Variants in CADPS2 observed in about 807,000 individuals in gnomAD.
CADPS2 encodes calcium-dependent secretion activator 2.
A neutral mutation model predicts 172.5 loss-of-function variants in CADPS2; 93 were observed. The observed-to-expected ratio is 0.54, with a 90% CI of 0.46 to 0.64. The LOEUF is 0.64. Ranked by LOEUF, CADPS2 falls within the 30% of genes least tolerant of loss-of-function variation. The pLI is 0.00. For missense variants in CADPS2, 1,420 were observed against 1,565.9 expected, an observed-to-expected ratio of 0.91 and a Z score of 1.57; for synonymous variants, 546 against 555.2, an observed-to-expected ratio of 0.98 and a Z score of 0.23.
At chr7:122,565,087 G>A (rs889238975) in intron 7 of CADPS2, among the ~76,000 whole-genome samples, 1 of 152,056 alleles carries the variant, frequency 6.6e-6, no homozygotes, top group Non-Finnish European at 1.5e-5. Context: ...GGGGCAGTGG[G>A]AAAGGAGGGT....
chr7:122,427,553 C>A (rs2049324622), intron 17 of CADPS2: 1 of 152,024 alleles, frequency 6.6e-6, no homozygotes, highest in South Asian at 2.1e-4. Flanking sequence ...TTAAATAAGC[C>A]CATCTTTCAA....
chr7:122,323,895 A>T (rs201355361), intron 29 of CADPS2, among the ~76,000 whole-genome samples: 10 of 27,406 alleles, frequency 3.6e-4, no homozygotes, highest in South Asian at 1.4e-3. Flanking sequence ...ATATATATAT[A>T]TATATATATA....
At chr7:122,763,943 T>C (rs1316584052) in intron 1 of CADPS2, among the ~76,000 whole-genome samples, 3 of 152,172 alleles carry the variant, frequency 2.0e-5, no homozygotes, top group African/African-American at 7.2e-5. Context: ...ACATATTTGT[T>C]TCATTGACAT....
intron 6 of CADPS2, among the ~76,000 whole-genome samples, chr7:122,600,235 G>A (rs1488637410): frequency 1.3e-5 from 2 of 152,076 alleles, no homozygotes; most frequent in Non-Finnish European, 2.9e-5. Flanking sequence ...CAAACAGAAA[G>A]AGCAGCTCCA....
At chr7:122,509,818 C>T (rs1215048870) in intron 9 of CADPS2, among the ~76,000 whole-genome samples, 1 of 152,014 alleles carries the variant, frequency 6.6e-6, no homozygotes, top group East Asian at 1.9e-4. Flanking sequence ...CCTTCACGGG[C>T]TTATTCTGAT....
intron 8 of CADPS2, among the ~76,000 whole-genome samples, chr7:122,550,015 G>A (rs2064059397): frequency 6.6e-6 from 1 of 152,122 alleles, no homozygotes; most frequent in South Asian, 2.1e-4. Flanking sequence ...TTACTAGAGT[G>A]CAGTCATTTC....
chr7:122,454,634 C>T (rs185610848), intron 14 of CADPS2, among the ~76,000 whole-genome samples: 5 of 152,012 alleles, frequency 3.3e-5, no homozygotes, highest in Admixed American at 2.6e-4. Flanking sequence ...TAAAGAAGAC[C>T]GTAAGAAAGG....
chr7:122,738,172 C>A (rs936339458), intron 1 of CADPS2, among the ~76,000 whole-genome samples: 5 of 152,064 alleles, frequency 3.3e-5, no homozygotes, highest in African/African-American at 1.2e-4. Flanking sequence ...TCAATCATGT[C>A]CTCTAGTCAT....
intron 2 of CADPS2, among the ~76,000 whole-genome samples, chr7:122,689,522 G>A (rs2084055604): frequency 6.6e-6 from 1 of 152,158 alleles, no homozygotes; most frequent in South Asian, 2.1e-4. Context: ...AGAACCACAA[G>A]GGGGCCCACC....
intron 17 of CADPS2, among the ~76,000 whole-genome samples, chr7:122,438,137 T>G (rs1381078888): frequency 6.6e-6 from 1 of 152,102 alleles, no homozygotes; most frequent in African/African-American, 2.4e-5. Flanking sequence ...TCCTGGGTCT[T>G]TCATTCAAGC....
At position 122,886,408 on chromosome 7, in the gene CADPS2, G is replaced by C; in HGVS notation, c.-71C>G. Reference sequence around the variant, plus strand: ...TCACCCCCGGCGGCTGCGCCCGCGGGTCTGAGGGAGCCGCGGGGCTGGCTG... The same window carrying C: ...TCACCCCCGGCGGCTGCGCCCGCGGCTCTGAGGGAGCCGCGGGGCTGGCTG... On this transcript the variant is annotated 5_prime_UTR_variant, in exon 1 of 30. Coordinates refer to ENST00000449022, the MANE Select transcript of CADPS2 (RefSeq NM_017954.11). The C allele has an allele frequency of 3.5e-6, 5 of 1,433,544 alleles. No individual in the cohort carries two copies. The highest frequency in any genetic ancestry group is 4.5e-6 in the Non-Finnish European group (5 of 1,106,882). The allele number at this position is 1,433,544 out of a possible 1,614,324, so 88.8% of individuals were successfully genotyped here.
intron 7 of CADPS2, among the ~76,000 whole-genome samples, chr7:122,569,242 C>G (rs1180579757): frequency 6.6e-6 from 1 of 151,996 alleles, no homozygotes; most frequent in Non-Finnish European, 1.5e-5. Flanking sequence ...CAATAACAGA[C>G]AAACAGAGAG....
intron 15 of CADPS2, among the ~76,000 whole-genome samples, chr7:122,449,931 C>T (rs558980908): frequency 6.6e-6 from 1 of 152,216 alleles, no homozygotes; most frequent in Admixed American, 6.5e-5. Context: ...TAAGGTACTG[C>T]TACTAGCCCC....
chr7:122,368,204 G>T (rs6967599), intron 25 of CADPS2: 122,675 of 152,322 alleles, frequency 0.81, 49,864 homozygotes, highest in African/African-American at 0.89. Context: ...CTATATATAA[G>T]GTATCCCATT....
chr7:122,492,929 T>C (rs950339240), intron 9 of CADPS2, among the ~76,000 whole-genome samples: 7 of 152,152 alleles, frequency 4.6e-5, no homozygotes, highest in African/African-American at 1.7e-4. Context: ...ATGTTAATTA[T>C]TTCCTTTTTC....
At chr7:122,563,458 G>A (rs1325340237) in intron 7 of CADPS2, among the ~76,000 whole-genome samples, 3 of 152,078 alleles carry the variant, frequency 2.0e-5, no homozygotes, top group African/African-American at 7.2e-5. Flanking sequence ...GCACTATTTT[G>A]TTATGTAAAC....
chr7:122,513,202 A>G, intron 9 of CADPS2, 47 bp downstream of exon 9: 1 of 1,321,776 alleles, frequency 7.6e-7, no homozygotes, highest in Non-Finnish European at 1.1e-6. Context: ...ACAAATTTTG[A>G]GAACTGCTAT....
chr7:122,474,608 A>C lies in CADPS2; in HGVS notation c.1862-91T>G. 9.3e-6 allele frequency: 11 copies of C among 1,185,402 alleles called. No individual in the cohort carries two copies. The East Asian group carries it at 1.0e-4, about 11-fold the overall frequency. 73.4% of individuals were successfully genotyped at this position (1,185,402 alleles called of 1,614,324 possible). On this transcript the variant is annotated intron_variant, in intron 12 of 29. Transcript: ENST00000449022. ...GTGAAGAATACAAAATGCGTGACTC[A>C]AGCAGAAGACTACCTTTTATCACAT... is the stretch of plus-strand genomic sequence containing the variant.
At chr7:122,730,147 C>T (rs887067849) in intron 2 of CADPS2, among the ~76,000 whole-genome samples, 1 of 151,502 alleles carries the variant, frequency 6.6e-6, no homozygotes, top group Non-Finnish European at 1.5e-5. Context: ...CTATATGAAT[C>T]AGTATTAAGA....
Sources: gnomAD v4.1 joint callset for allele counts (sites outside exome capture counted in the v4.1 genomes callset) on GRCh38, gnomAD v4.1.1 for gene constraint, MANE v1.5 for transcripts, NCBI Gene and HGNC (gene_info 2026-07-23, HGNC 2026-07-21) for gene names.